Variants in TNS3 observed in about 807,000 individuals in gnomAD.
The protein encoded by TNS3 is tensin 3.
TNS3 carries 45 observed loss-of-function variants against 140.9 expected under a neutral mutation model. That is an observed-to-expected ratio of 0.32 (90% confidence interval 0.25 to 0.41). The LOEUF (loss-of-function observed/expected upper bound fraction) is 0.41. TNS3 is among the 10% of genes least tolerant of loss of function. The pLI, the probability that TNS3 is intolerant of heterozygous loss-of-function variation, is 1.00. For missense variants in TNS3, 1,716 were observed against 1,906.7 expected (o/e 0.90, Z 1.86); for synonymous variants, 815 against 788.4 (o/e 1.03, Z -0.56).
At chr7:47,577,944 A>G (rs904110399) in intron 1 of TNS3, among the ~76,000 whole-genome samples, 1 of 152,038 alleles carries the variant, frequency 6.6e-6, no homozygotes, top group Non-Finnish European at 1.5e-5. Context: ...GATCACAGAC[A>G]TAGAATCCTT....
chr7:47,446,081 T>C (rs1422037894), intron 4 of TNS3, among the ~76,000 whole-genome samples: 1 of 152,208 alleles, frequency 6.6e-6, no homozygotes, highest in African/African-American at 2.4e-5. Flanking sequence ...TGCAAATCTG[T>C]GTTGCAAACT....
intron 5 of TNS3, among the ~76,000 whole-genome samples, chr7:47,440,807 C>CTTT (rs1267846384): frequency 6.6e-6 from 1 of 152,196 alleles, no homozygotes; most frequent in Non-Finnish European, 1.5e-5. Context: ...TTAAGTCCCT[C>CTTT]CAAAGTGCTG....
chr7:47,473,084 C>A (rs978722926), intron 4 of TNS3, among the ~76,000 whole-genome samples: 1 of 152,220 alleles, frequency 6.6e-6, no homozygotes, highest in African/African-American at 2.4e-5. Context: ...CCACACCCAT[C>A]GTCCTCCACC....
intron 20 of TNS3, among the ~76,000 whole-genome samples, chr7:47,324,000 C>T (rs147784732): frequency 5.5e-4 from 83 of 152,260 alleles, no homozygotes; most frequent in African/African-American, 1.9e-3. Context: ...ATCCTTGGTC[C>T]ATCTGGAACT....
At chr7:47,523,840 G>A (rs1214335359) in intron 2 of TNS3, among the ~76,000 whole-genome samples, 1 of 152,198 alleles carries the variant, frequency 6.6e-6, no homozygotes, top group African/African-American at 2.4e-5. Context: ...ACAAAGAAAG[G>A]ACCCAGGGAC....
intron 17 of TNS3, among the ~76,000 whole-genome samples, chr7:47,366,726 C>G (rs550778745): frequency 4.3e-5 from 2 of 47,054 alleles, no homozygotes; most frequent in South Asian, 1.3e-3. Flanking sequence ...ATGCAGGTCC[C>G]ATGTGAACCT....
chr7:47,379,539 A>G lies in TNS3; in HGVS notation c.1025-9918T>C, dbSNP rs535455400. ...TTTAATCTACTAAATCAGATACTCT[A>G]TGATTTTGATATATTTCAAGACGCG... On this transcript the variant is annotated intron_variant, in intron 16 of 30. Transcript: ENST00000311160. 5.9e-5 allele frequency among the ~76,000 whole-genome samples: 9 copies of G among 152,286 alleles called. No homozygotes were observed. The South Asian group carries it at 1.9e-3, about 32-fold the overall frequency.
At chr7:47,550,265 T>TG (rs1440986987) in intron 1 of TNS3, among the ~76,000 whole-genome samples, 1 of 151,934 alleles carries the variant, frequency 6.6e-6, no homozygotes, top group Non-Finnish European at 1.5e-5. Flanking sequence ...AGAAGGGAAA[T>TG]GGGAATAGAA....
intron 2 of TNS3, among the ~76,000 whole-genome samples, chr7:47,519,916 C>A (rs1354264659): frequency 6.6e-6 from 1 of 151,042 alleles, no homozygotes; most frequent in Non-Finnish European, 1.5e-5. Context: ...CTCCGCCTCC[C>A]GGGTTCATGT....
At chr7:47,506,221 C>G (rs536635230) in intron 3 of TNS3, among the ~76,000 whole-genome samples, 1 of 152,292 alleles carries the variant, frequency 6.6e-6, no homozygotes, top group African/African-American at 2.4e-5. Flanking sequence ...AGTACAGCCA[C>G]CATCCCCAGG....
At chr7:47,483,820 G>A (rs1019681696) in intron 3 of TNS3, among the ~76,000 whole-genome samples, 2 of 152,180 alleles carry the variant, frequency 1.3e-5, no homozygotes, top group African/African-American at 2.4e-5. Flanking sequence ...TAACCGGCTC[G>A]CGCGATAAGT....
In TNS3 at chr7:47,347,439, A is replaced by G. The variant is rs576549374; in HGVS notation, c.2282-1083T>C. Among the ~76,000 whole-genome samples the G allele has an allele frequency of 7.9e-5, 12 of 152,214 alleles. No homozygotes were observed. In the South Asian group the frequency reaches 2.3e-3, roughly 29 times the overall value. Reference sequence around the variant, plus strand: ...ATGATAAAGAGAAGGTTCCACAGAGAGCGACAAGACATCAACCCACCATGC... The same window carrying G: ...ATGATAAAGAGAAGGTTCCACAGAGGGCGACAAGACATCAACCCACCATGC... On this transcript the variant is annotated intron_variant, in intron 17 of 30. Coordinates refer to ENST00000311160, the MANE Select transcript of TNS3 (RefSeq NM_022748.12).
At chr7:47,453,962 G>A (rs779568980) in intron 4 of TNS3, among the ~76,000 whole-genome samples, 1 of 152,228 alleles carries the variant, frequency 6.6e-6, no homozygotes, top group Non-Finnish European at 1.5e-5. Flanking sequence ...TAACTGACAG[G>A]GAGATTTGTG....
chr7:47,383,682 G>A (rs538577494), intron 16 of TNS3, among the ~76,000 whole-genome samples: 4 of 152,306 alleles, frequency 2.6e-5, no homozygotes, highest in East Asian at 1.9e-4. Context: ...TATACAAAGC[G>A]TCTGGGGACA....
At chr7:47,360,207 A>G (rs147174808) in intron 17 of TNS3, among the ~76,000 whole-genome samples, 281 of 152,214 alleles carry the variant, frequency 1.8e-3, no homozygotes, top group African/African-American at 6.0e-3. Flanking sequence ...CAGTGGGCTG[A>G]CTCGGTTATT....
At chr7:47,481,017 G>T in intron 4 of TNS3, 86 bp downstream of exon 4, 1 of 1,114,284 alleles carries the variant, frequency 9.0e-7, no homozygotes, top group Non-Finnish European at 1.2e-6. Flanking sequence ...GAAGCCAAAA[G>T]ATCCCCAAAG....
At chr7:47,305,877 T>C (rs1395733111) in intron 20 of TNS3, among the ~76,000 whole-genome samples, 1 of 152,224 alleles carries the variant, frequency 6.6e-6, no homozygotes, top group Non-Finnish European at 1.5e-5. Context: ...GTTTTCTGTT[T>C]CAAAACTAAT....
At chr7:47,397,759 T>C (rs952742326) in intron 15 of TNS3, among the ~76,000 whole-genome samples, 9 of 152,086 alleles carry the variant, frequency 5.9e-5, no homozygotes, top group Admixed American at 5.9e-4. Flanking sequence ...GACAACCTCA[T>C]GTCACACCTC....
At chr7:47,478,766 T>A (rs1797295073) in intron 4 of TNS3, among the ~76,000 whole-genome samples, 1 of 152,102 alleles carries the variant, frequency 6.6e-6, no homozygotes, top group African/African-American at 2.4e-5. Context: ...GACACATGTA[T>A]AACATACATA....
Sources: allele counts gnomAD v4.1 joint callset (sites outside exome capture counted in the v4.1 genomes callset), GRCh38; gene constraint gnomAD v4.1.1; transcripts MANE v1.5; gene names NCBI Gene and HGNC (gene_info 2026-07-23, HGNC 2026-07-21).